Variants in TMEM135 observed in about 807,000 individuals in gnomAD.
TMEM135 encodes the protein peroxisomal membrane protein 52.
TMEM135 carries 30 observed loss-of-function variants against 60.3 expected under a neutral mutation model. That is an observed-to-expected ratio of 0.50 (90% confidence interval 0.37 to 0.68). TMEM135 has a LOEUF of 0.68. Ranked by LOEUF, TMEM135 falls within the 30% of genes least tolerant of loss-of-function variation. TMEM135 has a pLI of 0.00. For synonymous variants in TMEM135, 190 were observed against 186.7 expected (o/e 1.02, Z -0.14); for missense variants, 468 against 548.8 (o/e 0.85, Z 1.47).
Position 87,314,521 on chromosome 11 carries a change from A to G in TMEM135, c.1051A>G (p.Met351Val). 6.2e-7 allele frequency: 1 copy of G among 1,610,968 alleles called. No individual in the cohort carries two copies. Among genetic ancestry groups the G allele is most frequent in the Non-Finnish European group, 8.5e-7 (1 of 1,177,814 alleles). The change falls in exon 12 of 15, where the codon ATG becomes GTG. Residue 351 changes from methionine to valine, a missense_variant. Met to Val is a conservative substitution (Grantham distance 21). Coordinates refer to ENST00000305494, the MANE Select transcript of TMEM135 (RefSeq NM_022918.4). ...MMFYKSTTIS[M>V]YLASKLVETM... ...GTTTTATAAAAGCACAACAATTTCCATGTATTTAGCGTCCAAATTGGTAGA... is the reference window on the plus strand; with the variant it reads ...GTTTTATAAAAGCACAACAATTTCCGTGTATTTAGCGTCCAAATTGGTAGA...
intron 6 of TMEM135, among the ~76,000 whole-genome samples, chr11:87,247,211 A>C (rs1171243268): frequency 6.6e-6 from 1 of 151,978 alleles, no homozygotes; most frequent in Non-Finnish European, 1.5e-5. Context: ...GTTCCTCTGG[A>C]AGTTTTGTCT....
At chr11:87,178,018 C>G (rs1939421940) in intron 5 of TMEM135, among the ~76,000 whole-genome samples, 1 of 152,126 alleles carries the variant, frequency 6.6e-6, no homozygotes, top group South Asian at 2.1e-4. Context: ...GGTACATTAC[C>G]CTCTCTGCAT....
At chr11:87,292,576 A>G (rs1459834829) in intron 6 of TMEM135, among the ~76,000 whole-genome samples, 1 of 151,442 alleles carries the variant, frequency 6.6e-6, no homozygotes, top group Non-Finnish European at 1.5e-5. Context: ...ACGGATTACA[A>G]TTGTGTTTCA....
intron 5 of TMEM135, among the ~76,000 whole-genome samples, chr11:87,222,066 C>T (rs1427687845): frequency 6.7e-6 from 1 of 149,620 alleles, no homozygotes; most frequent in Non-Finnish European, 1.5e-5. Context: ...CCTGTAATCC[C>T]AGCTACTCAG....
chr11:87,155,944 A>G (rs1038760454), intron 4 of TMEM135, among the ~76,000 whole-genome samples: 2 of 152,202 alleles, frequency 1.3e-5, no homozygotes, highest in Admixed American at 6.5e-5. Flanking sequence ...TATAGTAACA[A>G]TGGGGATTCA....
chr11:87,259,731 T>C (rs1271091062), intron 6 of TMEM135, among the ~76,000 whole-genome samples: 1 of 152,228 alleles, frequency 6.6e-6, no homozygotes, highest in Non-Finnish European at 1.5e-5. Flanking sequence ...GTTTCAGATG[T>C]GTGATTGAGT....
At chr11:87,104,572 G>A (rs1212118844) in intron 4 of TMEM135, among the ~76,000 whole-genome samples, 1 of 152,100 alleles carries the variant, frequency 6.6e-6, no homozygotes, top group Non-Finnish European at 1.5e-5. Context: ...ATGAACATGG[G>A]TGTTTTTCTG....
In TMEM135 at chr11:87,322,754, A is replaced by G. The variant is rs986558951; in HGVS notation, c.*1421A>G. 6 of 454,084 alleles carry G rather than the reference A, an allele frequency of 1.3e-5. No homozygotes were observed. The highest frequency in any genetic ancestry group is 1.2e-4 in the African/African-American group (6 of 49,978). 28.1% of individuals were successfully genotyped at this position (454,084 alleles called of 1,614,324 possible). ...TATACTTCTGCTTAAATGTAATTCA[A>G]TCCTTGGTTGTTATGGCAAACAGAA... On this transcript the variant is annotated 3_prime_UTR_variant, in exon 15 of 15. Coordinates refer to ENST00000305494, the MANE Select transcript of TMEM135 (RefSeq NM_022918.4).
chr11:87,148,726 G>A (rs1438284352), intron 4 of TMEM135, among the ~76,000 whole-genome samples: 1 of 151,978 alleles, frequency 6.6e-6, no homozygotes, highest in Non-Finnish European at 1.5e-5. Flanking sequence ...TTTAATATAT[G>A]TATCATTAAT....
At chr11:87,041,808 C>G (rs1013467383) in intron 1 of TMEM135, among the ~76,000 whole-genome samples, 1 of 152,132 alleles carries the variant, frequency 6.6e-6, no homozygotes, top group Non-Finnish European at 1.5e-5. Flanking sequence ...GCAGGTCTGC[C>G]AGAGAAGATG....
chr11:87,303,705 T>G (rs1279326761), intron 8 of TMEM135, among the ~76,000 whole-genome samples: 1 of 152,196 alleles, frequency 6.6e-6, no homozygotes, highest in Non-Finnish European at 1.5e-5. Context: ...ATAATACATC[T>G]AGAAGATAAC....
chr11:87,069,932 G>T (rs1356408068), intron 2 of TMEM135, among the ~76,000 whole-genome samples: 9 of 152,072 alleles, frequency 5.9e-5, no homozygotes, highest in African/African-American at 2.2e-4. Flanking sequence ...AGCACTTTGG[G>T]AGGCCAAGAT....
In TMEM135 at chr11:87,220,664, A is replaced by G. The variant is rs117461645; in HGVS notation, c.463-15974A>G. Among the ~76,000 whole-genome samples the G allele has an allele frequency of 1.4e-4, 21 of 152,274 alleles. No individual in the cohort carries two copies. The East Asian group carries it at 3.9e-3, about 28-fold the overall frequency. ...AAATATCCCAGAGAGAATGTTCTAC[A>G]TGTTTTGGTGTGTAGAATTTTATTT... is the stretch of plus-strand genomic sequence containing the variant. On this transcript the variant is annotated intron_variant, in intron 5 of 14. Transcript: ENST00000305494.
chr11:87,321,949 T>C lies in TMEM135; in HGVS notation c.*616T>C, dbSNP rs1160181868. ...TGGATAAATGTCGTGGTATCCATGC[T>C]TTTTTTCAACTAATAACATCATCTC... On this transcript the variant is annotated 3_prime_UTR_variant, in exon 15 of 15. Transcript: ENST00000305494. The C allele has an allele frequency of 1.1e-5, 5 of 454,254 alleles. No homozygotes were observed. Among genetic ancestry groups the C allele is most frequent in the South Asian group, 4.7e-5 (3 of 64,482 alleles). 28.1% of individuals were successfully genotyped at this position (454,254 alleles called of 1,614,324 possible).
chr11:87,223,698 A>ACAC (rs1565492145), intron 5 of TMEM135, among the ~76,000 whole-genome samples: 2 of 140,672 alleles, frequency 1.4e-5, no homozygotes, highest in African/African-American at 5.9e-5. Flanking sequence ...CACACACACA[A>ACAC]AATTAGCTGG....
At chr11:87,237,376 T>C (rs901325413) in intron 6 of TMEM135, among the ~76,000 whole-genome samples, 12 of 152,006 alleles carry the variant, frequency 7.9e-5, no homozygotes, top group Admixed American at 6.6e-4. Flanking sequence ...TTTACTCTTA[T>C]TGCCCTCATT....
intron 6 of TMEM135, among the ~76,000 whole-genome samples, chr11:87,239,394 A>G (rs1011078024): frequency 1.3e-5 from 2 of 152,116 alleles, no homozygotes; most frequent in Non-Finnish European, 2.9e-5. Flanking sequence ...AAACAATATT[A>G]GATTTGTCTG....
chr11:87,221,949 G>A (rs1172468303), intron 5 of TMEM135, among the ~76,000 whole-genome samples: 1 of 152,076 alleles, frequency 6.6e-6, no homozygotes, highest in African/African-American at 2.4e-5. Flanking sequence ...TGTAATCCCA[G>A]AACTTTGGGA....
At chr11:87,198,673 T>G (rs1398014778) in intron 5 of TMEM135, among the ~76,000 whole-genome samples, 2 of 151,494 alleles carry the variant, frequency 1.3e-5, no homozygotes, top group Middle Eastern at 3.4e-3. Flanking sequence ...CTTCCCTCTC[T>G]TACTTCCTCC....
Sources: allele counts gnomAD v4.1 joint callset (sites outside exome capture counted in the v4.1 genomes callset), GRCh38; gene constraint gnomAD v4.1.1; transcripts MANE v1.5; gene names NCBI Gene and HGNC (gene_info 2026-07-23, HGNC 2026-07-21).